Variants in NR3C2 observed in about 807,000 individuals in gnomAD.
The protein encoded by NR3C2 is mineralocorticoid receptor.
NR3C2 carries 15 observed loss-of-function variants against 86.4 expected under a neutral mutation model. The observed-to-expected ratio is 0.17, with a 90% CI of 0.12 to 0.27. The LOEUF is 0.27. NR3C2 is among the 10% of genes least tolerant of loss of function. The pLI is 1.00. For missense variants in NR3C2, 960 were observed against 1,195.6 expected (o/e 0.80, Z 2.91); for synonymous variants, 458 against 450.5 (o/e 1.02, Z -0.21).
At chr4:148,217,528 G>C (rs952173460) in intron 3 of NR3C2, among the ~76,000 whole-genome samples, 4 of 152,154 alleles carry the variant, frequency 2.6e-5, no homozygotes, top group Non-Finnish European at 4.4e-5. Flanking sequence ...ATTTAATTAA[G>C]TCTTCCCAAA....
chr4:148,270,346 T>C (rs1740618601), intron 2 of NR3C2, among the ~76,000 whole-genome samples: 1 of 152,308 alleles, frequency 6.6e-6, no homozygotes, highest in African/African-American at 2.4e-5. Context: ...ATCGGTCCAC[T>C]TGCACCCTCT....
intron 3 of NR3C2, among the ~76,000 whole-genome samples, chr4:148,221,492 G>A (rs1210463320): frequency 6.6e-6 from 1 of 152,116 alleles, no homozygotes; most frequent in East Asian, 1.9e-4. Context: ...ATTGATGTAC[G>A]TTTATCTTCT....
intron 1 of NR3C2, among the ~76,000 whole-genome samples, chr4:148,441,249 C>G (rs1221400822): frequency 6.6e-6 from 1 of 152,166 alleles, no homozygotes; most frequent in Non-Finnish European, 1.5e-5. Context: ...TTTTTTAAAA[C>G]TTCTCCTCTC....
At chr4:148,156,849 T>C (rs1190556151) in intron 4 of NR3C2, among the ~76,000 whole-genome samples, 1 of 152,224 alleles carries the variant, frequency 6.6e-6, no homozygotes, top group South Asian at 2.1e-4. Flanking sequence ...TAAAGACACA[T>C]GCACACGTAT....
At chr4:148,388,899 A>C (rs1277761954) in intron 2 of NR3C2, among the ~76,000 whole-genome samples, 1 of 152,202 alleles carries the variant, frequency 6.6e-6, no homozygotes, top group Admixed American at 6.5e-5. Context: ...ATCCATAGCA[A>C]GCAGTTGGAA....
intron 2 of NR3C2, among the ~76,000 whole-genome samples, chr4:148,351,570 C>T (rs1160622352): frequency 1.3e-5 from 2 of 152,174 alleles, no homozygotes; most frequent in Non-Finnish European, 2.9e-5. Context: ...GGAAAGAGCC[C>T]TCTACAGACC....
chr4:148,442,682 T>G (rs1473351529), upstream of NR3C2: 1 of 985,240 alleles, frequency 1.0e-6, no homozygotes, highest in African/African-American at 1.7e-5. Context: ...ACATGACTGA[T>G]ACAAAGTTGC....
intron 4 of NR3C2, 151 bp from the exon 5 acceptor site, chr4:148,155,052 C>T (rs1304768443): frequency 1.5e-6 from 1 of 684,978 alleles, no homozygotes; most frequent in Non-Finnish European, 2.5e-6. Context: ...ATATATAAAG[C>T]TCAATTATTA....
intron 2 of NR3C2, among the ~76,000 whole-genome samples, chr4:148,326,377 G>C (rs1327727340): frequency 6.6e-6 from 1 of 152,024 alleles, no homozygotes; most frequent in Admixed American, 6.5e-5. Flanking sequence ...CTCCAGCCTG[G>C]ACGACAGAGC....
chr4:148,361,551 A>T (rs1561063764), intron 2 of NR3C2, among the ~76,000 whole-genome samples: 1 of 152,152 alleles, frequency 6.6e-6, no homozygotes, highest in Non-Finnish European at 1.5e-5. Context: ...TGTCATTAAT[A>T]GGAAATTGTG....
chr4:148,082,419 C>A (rs1423450517), intron 8 of NR3C2, among the ~76,000 whole-genome samples: 1 of 152,160 alleles, frequency 6.6e-6, no homozygotes, highest in Non-Finnish European at 1.5e-5. Context: ...AGAGGGTGAG[C>A]TGAAGCAGGG....
At chr4:148,404,579 T>C (rs1302009693) in intron 2 of NR3C2, among the ~76,000 whole-genome samples, 3 of 152,154 alleles carry the variant, frequency 2.0e-5, no homozygotes, top group African/African-American at 7.2e-5. Flanking sequence ...GCTCTGTTAA[T>C]TTCAAGCAAT....
rs767426598 is a variant in NR3C2 at position 148,104,337 on chromosome 4, G to GTTTGT, written c.2799+9766_2799+9767insACAAA. 6.9e-3 allele frequency among the ~76,000 whole-genome samples: 843 copies of GTTTGT among 122,296 alleles called. 7 individuals are homozygous for GTTTGT. The highest frequency in any genetic ancestry group is 0.017 in the African/African-American group (507 of 30,294). The allele number at this position is 122,296 out of a possible 152,430, so 80.2% of individuals were successfully genotyped here. On this transcript the variant is annotated intron_variant, in intron 8 of 8. Transcript: ENST00000358102. ...GATTTGTTTGTTTTTTTGTGTTTTG[G>GTTTGT]TTTGGTTTTTTTTTTTTTTTTTTTT...
chr4:148,097,975 G>A (rs530847171), intron 8 of NR3C2, among the ~76,000 whole-genome samples: 1 of 151,992 alleles, frequency 6.6e-6, no homozygotes, highest in South Asian at 2.1e-4. Context: ...CCTGTTCAGC[G>A]ACTTCCCCCT....
At chr4:148,149,901 A>G (rs1176871191) in intron 6 of NR3C2, among the ~76,000 whole-genome samples, 1 of 152,210 alleles carries the variant, frequency 6.6e-6, no homozygotes, top group Non-Finnish European at 1.5e-5. Flanking sequence ...AAAAGAAAAA[A>G]GTGCTGGCAA....
chr4:148,251,151 G>A lies in NR3C2; in HGVS notation c.1897+8827C>T, dbSNP rs148551756. On this transcript the variant is annotated intron_variant, in intron 3 of 8. Coordinates refer to ENST00000358102, the MANE Select transcript of NR3C2 (RefSeq NM_000901.5). ...TTATTGTTCTTTTTGTAGAAATGGG[G>A]TTTTGCCATGTTGCCCAGGCTGGTC... Among the ~76,000 whole-genome samples the A allele has an allele frequency of 1.7e-3, 254 of 152,086 alleles. 2 individuals carry two copies. Among genetic ancestry groups the A allele is most frequent in the African/African-American group, 5.7e-3 (238 of 41,492 alleles).
intron 4 of NR3C2, among the ~76,000 whole-genome samples, chr4:148,176,404 A>C (rs1025354723): frequency 7.2e-5 from 11 of 152,214 alleles, no homozygotes; most frequent in African/African-American, 2.4e-4. Flanking sequence ...CCATGCAAGC[A>C]TCAGTAGATA....
chr4:148,097,411 G>C (rs922437345), intron 8 of NR3C2, among the ~76,000 whole-genome samples: 1 of 152,192 alleles, frequency 6.6e-6, no homozygotes, highest in African/African-American at 2.4e-5. Flanking sequence ...GGAAATACAG[G>C]GTTAGGTTCC....
chr4:148,248,113 AAGGG>A (rs1161812886), intron 3 of NR3C2, among the ~76,000 whole-genome samples: 2 of 152,224 alleles, frequency 1.3e-5, no homozygotes, highest in African/African-American at 4.8e-5. Context: ...AAAAAACTGA[AAGGG>A]AGGTTGAAGA....
Sources: allele counts gnomAD v4.1 joint callset (sites outside exome capture counted in the v4.1 genomes callset), GRCh38; gene constraint gnomAD v4.1.1; transcripts MANE v1.5; gene names NCBI Gene and HGNC (gene_info 2026-07-23, HGNC 2026-07-21).